Variants in NCKAP5 observed in about 807,000 individuals in gnomAD.
NCKAP5 encodes nck-associated protein 5.
Under a neutral mutation model 167.0 loss-of-function variants are expected in NCKAP5, and 92 were observed. The ratio of observed to expected loss-of-function variants is 0.55; its 90% CI spans 0.47 to 0.66. The LOEUF (loss-of-function observed/expected upper bound fraction) is 0.66. NCKAP5 is among the 30% of genes least tolerant of loss of function. NCKAP5 has a pLI of 0.00. For synonymous variants in NCKAP5, 891 were observed against 877.4 expected, an observed-to-expected ratio of 1.02 and a Z score of -0.27; for missense variants, 2,378 against 2,315.0, an observed-to-expected ratio of 1.03 and a Z score of -0.56.
At chr2:133,051,058 A>AT (rs1296854981) in intron 6 of NCKAP5, among the ~76,000 whole-genome samples, 3 of 152,096 alleles carry the variant, frequency 2.0e-5, no homozygotes, top group South Asian at 4.2e-4. Flanking sequence ...AGATTAATGG[A>AT]TTTTTTTTCT....
intron 3 of NCKAP5, among the ~76,000 whole-genome samples, chr2:133,306,031 A>G (rs1462634206): frequency 6.6e-6 from 1 of 152,232 alleles, no homozygotes; most frequent in Non-Finnish European, 1.5e-5. Flanking sequence ...CCTGAACTGG[A>G]AAAGTTAGTT....
chr2:132,866,141 A>G (rs1690333447), intron 10 of NCKAP5, among the ~76,000 whole-genome samples: 1 of 152,232 alleles, frequency 6.6e-6, no homozygotes, highest in Non-Finnish European at 1.5e-5. Context: ...GTTTCCTCCA[A>G]AGAACATGCA....
At chr2:133,663,220 T>G in the NCKAP5 span, among the ~76,000 whole-genome samples, 74 of 149,350 alleles carry the variant, frequency 5.0e-4, 1 homozygote, top group African/African-American at 1.7e-3. Context: ...GAGCCGAGAT[T>G]GCGCCACTGC....
chr2:133,317,257 A>G (rs1196853114), intron 3 of NCKAP5, among the ~76,000 whole-genome samples: 1 of 152,098 alleles, frequency 6.6e-6, no homozygotes. Flanking sequence ...CATCCAGGAT[A>G]AAATCACCAT....
intron 3 of NCKAP5, among the ~76,000 whole-genome samples, chr2:133,511,921 T>C (rs147820008): frequency 0.014 from 2,104 of 152,226 alleles, 29 homozygotes; most frequent in Middle Eastern, 0.031. Flanking sequence ...TATGTACTCT[T>C]CCATCAGTAG....
At chr2:132,682,809 C>A (rs1163515119) in intron 19 of NCKAP5, among the ~76,000 whole-genome samples, 2 of 152,122 alleles carry the variant, frequency 1.3e-5, no homozygotes, top group African/African-American at 4.8e-5. Context: ...TTACTATTTA[C>A]ACTCAACTTT....
At chr2:133,508,940 T>C (rs1683254699) in intron 3 of NCKAP5, among the ~76,000 whole-genome samples, 1 of 152,236 alleles carries the variant, frequency 6.6e-6, no homozygotes, top group African/African-American at 2.4e-5. Context: ...TTTCAAAATG[T>C]GTCCAGTTCC....
chr2:133,305,579 G>A (rs952001986), intron 3 of NCKAP5, among the ~76,000 whole-genome samples: 4 of 152,160 alleles, frequency 2.6e-5, no homozygotes, highest in African/African-American at 9.7e-5. Context: ...TAAGTGTACA[G>A]TTCTTAGGTT....
At chr2:133,574,592 TTTC>T in the NCKAP5 span, among the ~76,000 whole-genome samples, 1 of 148,174 alleles carries the variant, frequency 6.7e-6, no homozygotes, top group African/African-American at 2.5e-5. Flanking sequence ...GGAGTTGCAT[TTTC>T]TTCTTTCCTT....
chr2:133,156,563 C>T lies in NCKAP5; in HGVS notation c.208-26452G>A, dbSNP rs572528064. The stretch of plus-strand genomic sequence containing the variant: ...TCCAAATTCCAGTTTCTTTCCCTAA[C>T]GCTTTGCTCCACACAAGCAAAGATT... On this transcript the variant is annotated intron_variant, in intron 5 of 19. Transcript: ENST00000409261. Among the ~76,000 whole-genome samples the T allele has an allele frequency of 7.9e-5, 12 of 152,272 alleles. 1 individual carries two copies. Among genetic ancestry groups the T allele is most frequent in the Admixed American group, 5.9e-4 (9 of 15,300 alleles).
chr2:133,549,720 G>T (rs1414485775), intron 2 of NCKAP5, among the ~76,000 whole-genome samples: 5 of 142,842 alleles, frequency 3.5e-5, no homozygotes, highest in South Asian at 2.4e-4. Context: ...TCAAAAGCTA[G>T]CAGAAGGCAA....
intron 9 of NCKAP5, among the ~76,000 whole-genome samples, chr2:132,875,552 G>C (rs10177329): frequency 6.6e-6 from 1 of 152,020 alleles, no homozygotes; most frequent in East Asian, 1.9e-4. Context: ...GTAAAGGTTT[G>C]CAGGATACAA....
intron 7 of NCKAP5, among the ~76,000 whole-genome samples, chr2:132,966,044 G>A (rs1217800004): frequency 1.3e-5 from 2 of 152,046 alleles, no homozygotes; most frequent in Admixed American, 6.6e-5. Flanking sequence ...TTTGGAATGT[G>A]ACAGCCAGAT....
intron 1 of NCKAP5, among the ~76,000 whole-genome samples, chr2:133,560,584 T>G (rs1351942786): frequency 2.0e-5 from 3 of 151,800 alleles, no homozygotes; most frequent in African/African-American, 7.3e-5. Context: ...GAAGGAGAGA[T>G]TTGGGTGAAT....
chr2:133,608,894 C>T, the NCKAP5 span, among the ~76,000 whole-genome samples: 1 of 152,198 alleles, frequency 6.6e-6, no homozygotes, highest in African/African-American at 2.4e-5. Context: ...CCTGCTACTG[C>T]TCTCCATGGT....
chr2:132,876,060 C>T (rs893435922), intron 9 of NCKAP5, among the ~76,000 whole-genome samples: 1 of 152,096 alleles, frequency 6.6e-6, no homozygotes. Context: ...AGAAAATAAC[C>T]ATCAGTGCAA....
chr2:133,132,509 AC>A (rs1457312038), intron 5 of NCKAP5, among the ~76,000 whole-genome samples: 3 of 150,258 alleles, frequency 2.0e-5, no homozygotes, highest in Admixed American at 1.3e-4. Flanking sequence ...ACACACACAC[AC>A]ACACACAAAC....
intron 3 of NCKAP5, among the ~76,000 whole-genome samples, chr2:133,492,615 G>A (rs1659557478): frequency 6.6e-6 from 1 of 152,088 alleles, no homozygotes; most frequent in Non-Finnish European, 1.5e-5. Flanking sequence ...ATTATTCCAA[G>A]CCTCAGTTTC....
chr2:132,673,011 G>T lies in NCKAP5; in HGVS notation c.*278C>A. ...GCGCTCCAGTCCCAGCTCACTAAGG[G>T]AAGAGATGTCCTTTATACATCATTT... On this transcript the variant is annotated 3_prime_UTR_variant, in exon 20 of 20. Transcript: ENST00000409261. 9.3e-6 allele frequency: 9 copies of T among 970,710 alleles called. No individual in the cohort carries two copies. The highest frequency in any genetic ancestry group is 1.1e-5 in the Non-Finnish European group (9 of 830,712). The allele number at this position is 970,710 out of a possible 1,614,324, so 60.1% of individuals were successfully genotyped here. A position where few individuals can be genotyped will look rare whatever the true frequency, so the allele number is the denominator to read the frequency against.
Sources: gnomAD v4.1 joint callset for allele counts (sites outside exome capture counted in the v4.1 genomes callset) on GRCh38, gnomAD v4.1.1 for gene constraint, MANE v1.5 for transcripts, NCBI Gene and HGNC (gene_info 2026-07-23, HGNC 2026-07-21) for gene names.